Variants in CAMLG observed in about 807,000 individuals in gnomAD.
CAMLG encodes the protein guided entry of tail-anchored proteins factor CAMLG.
A neutral mutation model predicts 28.9 loss-of-function variants in CAMLG; 23 were observed. The ratio of observed to expected loss-of-function variants is 0.80; its 90% CI spans 0.57 to 1.13. CAMLG has a LOEUF of 1.13. Among genes scored for constraint, CAMLG ranks in the 50% most tolerant of loss-of-function variants. The probability of loss-of-function intolerance (pLI) is 0.00; values close to 1 mark genes in which losing one functional copy is unlikely to be tolerated. For missense variants in CAMLG, 367 were observed against 371.9 expected (o/e 0.99, Z 0.11); for synonymous variants, 141 against 146.5 (o/e 0.96, Z 0.27).
chr5:134,750,931 G>A lies in CAMLG; in HGVS notation c.872G>A (p.Trp291Ter), dbSNP rs771222746. ...TTTTGTCATGAACTGCTTGATTATT[G>A]GGGCTCTGAAGTACCATGAAGCCTG... ...FIFCHELLDYWGSEVP is the reference protein window; with the variant it reads ...FIFCHELLDY Residue 291 changes from tryptophan to a stop codon, truncating the protein, a stop_gained, in exon 4 of 4, where the codon TGG becomes TAG. Transcript: ENST00000297156. LOFTEE classifies it high-confidence loss of function. The A allele has an allele frequency of 1.2e-6, 2 of 1,613,282 alleles. No individual in the cohort carries two copies. The highest frequency in any genetic ancestry group is 4.5e-5 in the East Asian group (2 of 44,842).
Position 134,752,118 on chromosome 5 carries a change from A to G in CAMLG, c.*1168A>G, listed in dbSNP as rs1393226929. On this transcript the variant is annotated 3_prime_UTR_variant, in exon 4 of 4. Transcript: ENST00000297156. ...GATTTTTGTATAGTCTAATTTGGTT[A>G]ATCCTTGTGACATTAAAAACACATA... is the stretch of plus-strand genomic sequence containing the variant. The G allele has an allele frequency of 5.9e-5, 9 of 152,344 alleles. No homozygotes were observed. Among genetic ancestry groups the G allele is most frequent in the Non-Finnish European group, 1.0e-4 (7 of 68,036 alleles). The allele number at this position is 152,344 out of a possible 1,614,324, so 9.4% of individuals were successfully genotyped here.
At chr5:134,746,137 C>CAAAAAA (rs1156938843) in intron 3 of CAMLG, among the ~76,000 whole-genome samples, 2 of 77,096 alleles carry the variant, frequency 2.6e-5, no homozygotes, top group African/African-American at 5.5e-5. Context: ...AACTCCATCT[C>CAAAAAA]AAAAAAAAAA....
At chr5:134,740,074 G>A (rs1017996593) in intron 1 of CAMLG, among the ~76,000 whole-genome samples, 2 of 152,096 alleles carry the variant, frequency 1.3e-5, no homozygotes, top group African/African-American at 4.8e-5. Flanking sequence ...TGGAGATGGG[G>A]GGGTCTCACT....
At chr5:134,744,812 T>G (rs1753026738) in intron 3 of CAMLG, among the ~76,000 whole-genome samples, 1 of 152,196 alleles carries the variant, frequency 6.6e-6, no homozygotes, top group African/African-American at 2.4e-5. Flanking sequence ...GGGCCTGATA[T>G]TTGCAATAAA....
At chr5:134,743,080 C>A (rs1246991947) in intron 2 of CAMLG, among the ~76,000 whole-genome samples, 2 of 152,124 alleles carry the variant, frequency 1.3e-5, no homozygotes, top group Non-Finnish European at 2.9e-5. Context: ...GAGATAGGAT[C>A]TTGCTATGGT....
rs1561841147 is a variant in CAMLG, at chr5:134,738,811, C to T, written c.172+19C>T. On this transcript the variant is annotated intron_variant, in intron 1 of 3. Coordinates refer to ENST00000297156, the MANE Select transcript of CAMLG (RefSeq NM_001745.4). The stretch of plus-strand genomic sequence containing the variant: ...GGCGCGGGTAAGAGCCTCGATTTCC[C>T]CTCAGTCTCCCGCCCATCACCTTGA... 2.5e-6 allele frequency: 4 copies of T among 1,612,678 alleles called. No individual in the cohort carries two copies. The South Asian group carries it at 3.3e-5, about 13-fold the overall frequency.
rs1399017209 is a variant in CAMLG at position 134,738,754 on chromosome 5, A to G, written c.134A>G (p.Asn45Ser). 3 of 1,614,028 alleles carry G rather than the reference A, an allele frequency of 1.9e-6. No homozygotes were observed. The highest frequency in any genetic ancestry group is 2.7e-5 in the African/African-American group (2 of 74,924). Residue 45 changes from asparagine to serine, a missense_variant, in exon 1 of 4, where the codon AAC becomes AGC. By Grantham distance (46) the Asn-to-Ser change is conservative. Coordinates refer to ENST00000297156, the MANE Select transcript of CAMLG (RefSeq NM_001745.4). The part of the protein sequence containing the change: ...KLLMNSEQRI[N>S]RIMGFHRPGS... ...CTCATGAACTCGGAACAGCGCATCA[A>G]CCGGATCATGGGCTTTCACAGGCCC... is the stretch of plus-strand genomic sequence containing the variant.
intron 3 of CAMLG, among the ~76,000 whole-genome samples, chr5:134,749,702 T>C (rs1041997779): frequency 1.8e-4 from 28 of 152,188 alleles, no homozygotes; most frequent in Non-Finnish European, 4.0e-4. Context: ...AATCCTGCTC[T>C]TCTTTGAAGG....
chr5:134,748,430 G>T (rs1348245012), intron 3 of CAMLG, among the ~76,000 whole-genome samples: 1 of 152,030 alleles, frequency 6.6e-6, no homozygotes, highest in Non-Finnish European at 1.5e-5. Flanking sequence ...CCCAGCTACC[G>T]GGGAGGCTGA....
intron 1 of CAMLG, among the ~76,000 whole-genome samples, chr5:134,739,541 T>G (rs750958631): frequency 1.3e-5 from 2 of 152,192 alleles, no homozygotes; most frequent in Non-Finnish European, 2.9e-5. Context: ...TCCAATGATT[T>G]TCTTTAAAAA....
Position 134,751,092 on chromosome 5 carries a change from T to G in CAMLG, c.*142T>G, listed in dbSNP as rs374460561. On this transcript the variant is annotated 3_prime_UTR_variant, in exon 4 of 4. Transcript: ENST00000297156. ...GGTTGTAAAGCTACTTTATTAGATA[T>G]AGAATGGCAGATTCTCTGATTTAAA... 12 of 570,578 alleles carry G rather than the reference T, an allele frequency of 2.1e-5. No individual in the cohort carries two copies. The East Asian group carries it at 2.8e-4, about 13-fold the overall frequency. The allele number at this position is 570,578 out of a possible 1,614,324, so 35.3% of individuals were successfully genotyped here. A position where few individuals can be genotyped will look rare whatever the true frequency, so the allele number is the denominator to read the frequency against.
At position 134,738,589 on chromosome 5, in the gene CAMLG, A is replaced by G. The variant is rs559785805; in HGVS notation, c.-32A>G. The G allele has an allele frequency of 2.2e-5, 34 of 1,550,324 alleles. No homozygotes were observed. The highest frequency in any genetic ancestry group is 1.7e-5 in the Non-Finnish European group (19 of 1,149,368). On this transcript the variant is annotated 5_prime_UTR_variant, in exon 1 of 4. Transcript: ENST00000297156. ...CGCAGCGGCGGCCAACATCACCGCC[A>G]CTGCCACCCCTCCCAGACTGTGGAC...
intron 1 of CAMLG, among the ~76,000 whole-genome samples, chr5:134,739,226 CT>C (rs886288892): frequency 2.6e-5 from 4 of 152,130 alleles, no homozygotes; most frequent in Non-Finnish European, 5.9e-5. Context: ...CTTCTTTTGC[CT>C]TTTGCTGTGT....
At chr5:134,740,285 T>TA (rs1196723050) in intron 1 of CAMLG, among the ~76,000 whole-genome samples, 3 of 152,272 alleles carry the variant, frequency 2.0e-5, no homozygotes, top group African/African-American at 7.2e-5. Context: ...ACATAAACAG[T>TA]AGCTTTGGGA....
rs147821864 is a variant in CAMLG at position 134,743,877 on chromosome 5, TAAC to T, written c.634-105_634-103del. On this transcript the variant is annotated intron_variant, in intron 2 of 3. Coordinates refer to ENST00000297156, the MANE Select transcript of CAMLG (RefSeq NM_001745.4). ...AAGACTCCGTCTCAAAAAATAATAA[TAAC>T]AACATTTTCTTACAGCTTTTGCTTG... 1.2e-3 allele frequency: 749 copies of T among 610,918 alleles called. 5 individuals carry two copies. The highest frequency in any genetic ancestry group is 0.012 in the African/African-American group (625 of 53,290). 37.8% of individuals were successfully genotyped at this position (610,918 alleles called of 1,614,324 possible). A position where few individuals can be genotyped will look rare whatever the true frequency, so the allele number is the denominator to read the frequency against.
At position 134,744,996 on chromosome 5, in the gene CAMLG, G is replaced by C. The variant is rs368261980; in HGVS notation, c.699+944G>C. 5.9e-5 allele frequency among the ~76,000 whole-genome samples: 9 copies of C among 152,294 alleles called. No homozygotes were observed. The East Asian group carries it at 1.2e-3, about 20-fold the overall frequency. On this transcript the variant is annotated intron_variant, in intron 3 of 3. Transcript: ENST00000297156. ...TTGCTGAAAAAATTGCTACTTGGCT[G>C]TCTGCGTGTTATATTTAATGGGCTG... is the stretch of plus-strand genomic sequence containing the variant.
At chr5:134,739,638 T>TAA (rs774898240) in intron 1 of CAMLG, among the ~76,000 whole-genome samples, 2 of 152,236 alleles carry the variant, frequency 1.3e-5, no homozygotes, top group Non-Finnish European at 2.9e-5. Context: ...AATTGGCCTT[T>TAA]AGTCACTGGT....
chr5:134,747,520 G>T (rs1753063729), intron 3 of CAMLG, among the ~76,000 whole-genome samples: 2 of 151,556 alleles, frequency 1.3e-5, no homozygotes, highest in Non-Finnish European at 2.9e-5. Context: ...ATTTTTTTTT[G>T]TATTTTTAGT....
intron 3 of CAMLG, among the ~76,000 whole-genome samples, chr5:134,750,419 TC>T (rs1753100396): frequency 6.6e-6 from 1 of 151,870 alleles, no homozygotes; most frequent in Non-Finnish European, 1.5e-5. Flanking sequence ...GCACCTGTAA[TC>T]CCGGCTACTC....
Sources: gnomAD v4.1 joint callset for allele counts (sites outside exome capture counted in the v4.1 genomes callset) on GRCh38, gnomAD v4.1.1 for gene constraint, MANE v1.5 for transcripts, NCBI Gene and HGNC (gene_info 2026-07-23, HGNC 2026-07-21) for gene names.